Variants in PDE6D observed in about 807,000 individuals in gnomAD.
PDE6D encodes the protein retinal rod rhodopsin-sensitive cGMP 3',5'-cyclic phosphodiesterase subunit delta.
PDE6D carries 10 observed loss-of-function variants against 21.9 expected under a neutral mutation model. The observed-to-expected ratio is 0.46, with a 90% CI of 0.28 to 0.78. The LOEUF (loss-of-function observed/expected upper bound fraction) is 0.78. Among genes scored for constraint, PDE6D ranks in the 30% least tolerant of loss-of-function variants. The probability of loss-of-function intolerance (pLI) is 0.12; values close to 1 mark genes in which losing one functional copy is unlikely to be tolerated. For missense variants in PDE6D, 139 were observed against 184.8 expected (o/e 0.75, Z 1.44); for synonymous variants, 59 against 63.5 (o/e 0.93, Z 0.34).
chr2:231,763,161 A>G (rs1280544264), intron 1 of PDE6D, among the ~76,000 whole-genome samples: 1 of 152,202 alleles, frequency 6.6e-6, no homozygotes, highest in Non-Finnish European at 1.5e-5. Context: ...GATCAAAACT[A>G]TATTTTGCAG....
At chr2:231,744,273 G>T (rs1223817596) in intron 1 of PDE6D, among the ~76,000 whole-genome samples, 1 of 152,138 alleles carries the variant, frequency 6.6e-6, no homozygotes, top group Admixed American at 6.5e-5. Flanking sequence ...TGATAAAAAA[G>T]AAAGATGTTT....
chr2:231,744,685 G>A (rs747474514), intron 1 of PDE6D, among the ~76,000 whole-genome samples: 4 of 151,926 alleles, frequency 2.6e-5, no homozygotes, highest in Non-Finnish European at 2.9e-5. Flanking sequence ...TGCCTGCCTC[G>A]GCCTCCCAAA....
intron 4 of PDE6D, among the ~76,000 whole-genome samples, chr2:231,734,716 G>A (rs1033096070): frequency 1.7e-4 from 25 of 150,552 alleles, no homozygotes; most frequent in Non-Finnish European, 2.7e-4. Flanking sequence ...GCGTGGTGGC[G>A]GGTGCCTGTA....
chr2:231,765,974 T>C (rs1329571459), intron 1 of PDE6D, among the ~76,000 whole-genome samples: 2 of 152,212 alleles, frequency 1.3e-5, no homozygotes, highest in Non-Finnish European at 2.9e-5. Context: ...TTAGTGTTGG[T>C]TATACAGAGC....
intron 1 of PDE6D, among the ~76,000 whole-genome samples, chr2:231,767,537 A>C (rs1210966588): frequency 6.6e-6 from 1 of 152,016 alleles, no homozygotes; most frequent in Non-Finnish European, 1.5e-5. Context: ...GGATGGTCTC[A>C]ATCTCCTGAC....
intron 1 of PDE6D, among the ~76,000 whole-genome samples, chr2:231,777,707 G>A (rs1031171205): frequency 6.6e-6 from 1 of 152,130 alleles, no homozygotes; most frequent in Non-Finnish European, 1.5e-5. Context: ...TATGTCTTAT[G>A]AAAATTTAGT....
chr2:231,744,277 G>A (rs944886229), intron 1 of PDE6D, among the ~76,000 whole-genome samples: 3 of 152,180 alleles, frequency 2.0e-5, no homozygotes, highest in Admixed American at 6.5e-5. Flanking sequence ...AAAAAAGAAA[G>A]ATGTTTTAAA....
chr2:231,739,617 G>C lies in PDE6D; in HGVS notation c.51-429C>G, dbSNP rs1379771805. ...CCCACAAGCACAGAACTCTCAAATT[G>C]CTTTGTAGTGGCCCCCTCTGTTTTT... On this transcript the variant is annotated intron_variant, in intron 1 of 4. Coordinates refer to ENST00000287600, the MANE Select transcript of PDE6D (RefSeq NM_002601.4). This position sits in a 1 kb window ranked among gnomAD's most constrained non-coding sequence, Gnocchi z 4.2. Among the ~76,000 whole-genome samples the C allele has an allele frequency of 6.7e-6, 1 of 148,956 alleles. No homozygotes were observed. Among genetic ancestry groups the C allele is most frequent in the Admixed American group, 6.7e-5 (1 of 14,890 alleles).
intron 1 of PDE6D, among the ~76,000 whole-genome samples, chr2:231,772,067 C>T (rs1409493976): frequency 2.0e-5 from 3 of 152,004 alleles, no homozygotes; most frequent in Non-Finnish European, 2.9e-5. Flanking sequence ...GTAATTTCTA[C>T]CCCGCAAATC....
intron 3 of PDE6D, 192 bp downstream of exon 3, chr2:231,737,821 C>T (rs2048714662): frequency 3.6e-6 from 2 of 548,578 alleles, no homozygotes; most frequent in Non-Finnish European, 6.4e-6. Flanking sequence ...GACCTCAAAG[C>T]CCCTTGTAGT....
chr2:231,738,033 A>C lies in PDE6D; in HGVS notation c.245T>G (p.Phe82Cys). The C allele has an allele frequency of 1.2e-6, 2 of 1,614,116 alleles. No homozygotes were observed. The highest frequency in any genetic ancestry group is 1.7e-6 in the Non-Finnish European group (2 of 1,180,000). ...EKFRLEQKVYFKGQCLEEWFF... is the reference protein window; with the variant it reads ...EKFRLEQKVYCKGQCLEEWFF... ...AATACCTTCTAGGCATTGCCCTTTGAAGTAAACTTTTTGTTCCAGGCGGAA... is the reference window on the plus strand; with the variant it reads ...AATACCTTCTAGGCATTGCCCTTTGCAGTAAACTTTTTGTTCCAGGCGGAA... The change falls in exon 3 of 5, where the codon TTC becomes TGC. Residue 82 changes from phenylalanine to cysteine, a missense_variant. By Grantham distance (205) the Phe-to-Cys change is radical (BLOSUM62 -2). Coordinates refer to ENST00000287600, the MANE Select transcript of PDE6D (RefSeq NM_002601.4).
intron 1 of PDE6D, among the ~76,000 whole-genome samples, chr2:231,766,250 C>T (rs1248091680): frequency 6.6e-6 from 1 of 152,134 alleles, no homozygotes; most frequent in Non-Finnish European, 1.5e-5. Flanking sequence ...TCAAACTGGC[C>T]TGGGAAACAG....
rs1329788897 is a variant in PDE6D, at chr2:231,732,964, A to T, written c.441T>A (p.Leu147=). The change falls in exon 5 of 5, where the codon CTT becomes CTA. Residue 147 remains leucine (L), a synonymous_variant. Transcript: ENST00000287600. The part of the protein sequence containing the change: ...DLLVSTSRVR[L]FYV ...ACACATTCTTCTTTCAAACATAGAA[A>T]AGTCTCACTCTGGATGTGCTTACAA... 1 of 1,609,122 alleles carries T rather than the reference A, an allele frequency of 6.2e-7. No individual in the cohort carries two copies. The highest frequency in any genetic ancestry group is 2.2e-5 in the East Asian group (1 of 44,862).
intron 2 of PDE6D, among the ~76,000 whole-genome samples, chr2:231,738,421 C>G (rs926718477): frequency 6.6e-6 from 1 of 152,188 alleles, no homozygotes; most frequent in Admixed American, 6.5e-5. Context: ...CTACTCTCAT[C>G]AGGAAGGGGG....
intron 1 of PDE6D, among the ~76,000 whole-genome samples, chr2:231,751,252 G>T (rs778793393): frequency 6.6e-6 from 1 of 151,984 alleles, no homozygotes; most frequent in Non-Finnish European, 1.5e-5. Context: ...GAGCTTCCAG[G>T]CTCAATTGAT....
At chr2:231,738,400 G>T (rs2048720956) in intron 2 of PDE6D, among the ~76,000 whole-genome samples, 1 of 152,148 alleles carries the variant, frequency 6.6e-6, no homozygotes, top group Non-Finnish European at 1.5e-5. Flanking sequence ...GCATCTAAGG[G>T]CCTCATCTAA....
At chr2:231,766,103 T>C (rs1014808221) in intron 1 of PDE6D, among the ~76,000 whole-genome samples, 5 of 152,222 alleles carry the variant, frequency 3.3e-5, no homozygotes, top group Non-Finnish European at 7.3e-5. Flanking sequence ...TGAGAAAATA[T>C]AAATGGATCT....
intron 1 of PDE6D, among the ~76,000 whole-genome samples, chr2:231,776,770 C>T (rs1267024820): frequency 2.6e-5 from 4 of 152,194 alleles, no homozygotes; most frequent in East Asian, 1.9e-4. Context: ...ACATCAATCT[C>T]TATGTCAGCT....
Position 231,763,448 on chromosome 2 carries a change from TG to T in PDE6D, c.50+17616del, listed in dbSNP as rs2048947416. Reference sequence around the variant, plus strand: ...GGTACTGTGTATCAGGTGCAAATATTGGGGATTCCACAGCTGTACCACTCAG... The same window carrying T: ...GGTACTGTGTATCAGGTGCAAATATTGGGATTCCACAGCTGTACCACTCAG... On this transcript the variant is annotated intron_variant, in intron 1 of 4. Coordinates refer to ENST00000287600, the MANE Select transcript of PDE6D (RefSeq NM_002601.4). Among the ~76,000 whole-genome samples the T allele has an allele frequency of 2.0e-5, 3 of 152,288 alleles. No individual in the cohort carries two copies. The East Asian group carries it at 5.8e-4, about 29-fold the overall frequency.
Sources: allele counts gnomAD v4.1 joint callset (sites outside exome capture counted in the v4.1 genomes callset), GRCh38; gene constraint gnomAD v4.1.1; non-coding constraint Gnocchi (gnomAD v3.1); transcripts MANE v1.5; gene names NCBI Gene and HGNC (gene_info 2026-07-23, HGNC 2026-07-21).